Variants in ICAM5 observed in about 807,000 individuals in gnomAD.
ICAM5 encodes intercellular adhesion molecule 5.
ICAM5 carries 38 observed loss-of-function variants against 78.8 expected under a neutral mutation model. The observed-to-expected ratio is 0.48, with a 90% CI of 0.37 to 0.63. The LOEUF is 0.63. Among genes scored for constraint, ICAM5 ranks in the 30% least tolerant of loss-of-function variants. The pLI, the probability that ICAM5 is intolerant of heterozygous loss-of-function variation, is 0.00. For synonymous variants in ICAM5, 544 were observed against 590.9 expected, an observed-to-expected ratio of 0.92 and a Z score of 1.15; for missense variants, 1,059 against 1,303.0, an observed-to-expected ratio of 0.81 and a Z score of 2.88.
rs944254015 is a variant in ICAM5 at position 10,296,732 on chromosome 19, C to A, written c.*116C>A. The A allele has an allele frequency of 1.1e-6, 1 of 940,694 alleles. No individual in the cohort carries two copies. Among genetic ancestry groups the A allele is most frequent in the Non-Finnish European group, 1.3e-6 (1 of 745,092 alleles). 58.3% of individuals were successfully genotyped at this position (940,694 alleles called of 1,614,324 possible). ...TTTATGTATTCAACTCCAAGGGCGTCACCCCCATTTTCTACCCATCCCCTC... is the reference window on the plus strand; with the variant it reads ...TTTATGTATTCAACTCCAAGGGCGTAACCCCCATTTTCTACCCATCCCCTC... On this transcript the variant is annotated 3_prime_UTR_variant, in exon 11 of 11. Coordinates refer to ENST00000221980, the MANE Select transcript of ICAM5 (RefSeq NM_003259.4).
rs2040193906 is a variant in ICAM5, at chr19:10,293,555, G to C, written c.1466-143G>C. The stretch of plus-strand genomic sequence containing the variant: ...AGCTCCCAGACAGAGTGCATGCCTC[G>C]ACTAGCGTGACACCTCCTTGGATCG... On this transcript the variant is annotated intron_variant, in intron 6 of 10. Transcript: ENST00000221980. This position sits in a 1 kb window ranked among gnomAD's most constrained non-coding sequence, Gnocchi z 5.0. 7 of 1,214,672 alleles carry C rather than the reference G, an allele frequency of 5.8e-6. No homozygotes were observed. The Admixed American group carries it at 7.2e-5, about 13-fold the overall frequency. 75.2% of individuals were successfully genotyped at this position (1,214,672 alleles called of 1,614,324 possible). A position where few individuals can be genotyped will look rare whatever the true frequency, so the allele number is the denominator to read the frequency against.
Position 10,294,738 on chromosome 19 carries a change from C to A in ICAM5, c.2230+98C>A. 1 of 1,550,944 alleles carries A rather than the reference C, an allele frequency of 6.4e-7. No homozygotes were observed. The highest frequency in any genetic ancestry group is 2.0e-5 in the Admixed American group (1 of 49,040). On this transcript the variant is annotated intron_variant, in intron 9 of 10. Coordinates refer to ENST00000221980, the MANE Select transcript of ICAM5 (RefSeq NM_003259.4). This position sits in a 1 kb window ranked among gnomAD's most constrained non-coding sequence, Gnocchi z 7.7. The stretch of plus-strand genomic sequence containing the variant: ...AGGGCACCTCTCCCAATCCCATTCT[C>A]GGGGACAGGGAATTCCAGCCTAAAC...
In ICAM5 at chr19:10,293,346, G is replaced by C. The variant is rs186295295; in HGVS notation, c.1465+100G>C. The C allele has an allele frequency of 5.5e-6, 8 of 1,452,228 alleles. No individual in the cohort carries two copies. The highest frequency in any genetic ancestry group is 6.5e-6 in the Non-Finnish European group (7 of 1,081,564). The allele number at this position is 1,452,228 out of a possible 1,614,324, so 90.0% of individuals were successfully genotyped here. A position where few individuals can be genotyped will look rare whatever the true frequency, so the allele number is the denominator to read the frequency against. On this transcript the variant is annotated intron_variant, in intron 6 of 10. Transcript: ENST00000221980. This position sits in a 1 kb window ranked among gnomAD's most constrained non-coding sequence, Gnocchi z 5.0. ...GGAGTAGGGTATGAGGTGTCCCTTT[G>C]GGTGAGGTTTTGGGAAAGGGAAGAG... is the stretch of plus-strand genomic sequence containing the variant.
chr19:10,294,060 C>A lies in ICAM5; in HGVS notation c.1732C>A (p.Pro578Thr). Residue 578 changes from proline (P) to threonine (T), a missense_variant, in exon 8 of 11, where the codon CCG becomes ACG. By Grantham distance (38) the Pro-to-Thr change is conservative. Coordinates refer to ENST00000221980, the MANE Select transcript of ICAM5 (RefSeq NM_003259.4). The surrounding 1 kb of genome is among the most constrained non-coding windows in gnomAD (Gnocchi z 7.7). ...TVEYGPRFEE[P>T]SCPSNWTWVE... Reference sequence around the variant, plus strand: ...CCCAGATGGCCCCAGGTTTGAGGAGCCGAGCTGCCCCAGCAATTGGACATG... The same window carrying A: ...CCCAGATGGCCCCAGGTTTGAGGAGACGAGCTGCCCCAGCAATTGGACATG... 6.3e-7 allele frequency: 1 copy of A among 1,579,176 alleles called. No homozygotes were observed. Among genetic ancestry groups the A allele is most frequent in the Non-Finnish European group, 8.6e-7 (1 of 1,161,330 alleles).
Position 10,292,087 on chromosome 19 carries a change from C to A in ICAM5, c.726C>A (p.Gly242=). Residue 242 remains glycine, a synonymous_variant, in exon 4 of 11, where the codon GGC becomes GGA. Transcript: ENST00000221980. ...CTGCTCCCCGGCTCTTGGAAGTTGG[C>A]TCGGAAAGGCCCGTGAGCTGCACTC... ...RLAAPRLLEV[G]SERPVSCTLD... is the part of the protein sequence containing the mutation. 1 of 1,613,084 alleles carries A rather than the reference C, an allele frequency of 6.2e-7. No individual in the cohort carries two copies. The highest frequency in any genetic ancestry group is 8.5e-7 in the Non-Finnish European group (1 of 1,179,774).
rs1192312203 is a variant in ICAM5 at position 10,294,872 on chromosome 19, C to T, written c.2230+232C>T. On this transcript the variant is annotated intron_variant, in intron 9 of 10. Coordinates refer to ENST00000221980, the MANE Select transcript of ICAM5 (RefSeq NM_003259.4). The surrounding 1 kb of genome is among the most constrained non-coding windows in gnomAD (Gnocchi z 7.7). ...CTTGAGGCCAGGAGTTCGAGACCAG[C>T]CCGGCCAACATGGCGAAAACCCGTC... is the stretch of plus-strand genomic sequence containing the variant. Among the ~76,000 whole-genome samples the T allele has an allele frequency of 6.6e-6, 1 of 152,132 alleles. No individual in the cohort carries two copies. The highest frequency in any genetic ancestry group is 1.5e-5 in the Non-Finnish European group (1 of 68,028).
rs570171962 is a variant in ICAM5, at chr19:10,296,331, C to T, written c.2498-8C>T. ...TGGCCACCCTCCGCGAGGGTCTCCA[C>T]CCCGCAGGTCCGTGGCTATGGGTCG... On this transcript the variant is annotated splice_polypyrimidine_tract_variant and splice_region_variant and intron_variant, in intron 10 of 10. Coordinates refer to ENST00000221980, the MANE Select transcript of ICAM5 (RefSeq NM_003259.4). 432 of 1,233,768 alleles carry T rather than the reference C, an allele frequency of 3.5e-4. No individual in the cohort carries two copies. Among genetic ancestry groups the T allele is most frequent in the Non-Finnish European group, 4.2e-4 (415 of 981,136 alleles). The allele number at this position is 1,233,768 out of a possible 1,614,324, so 76.4% of individuals were successfully genotyped here. A position where few individuals can be genotyped will look rare whatever the true frequency, so the allele number is the denominator to read the frequency against.
At chr19:10,295,152 G>A (rs535370279) in intron 9 of ICAM5, among the ~76,000 whole-genome samples, 194 bp from the exon 10 acceptor site, 2 of 152,286 alleles carry the variant, frequency 1.3e-5, no homozygotes, top group Non-Finnish European at 2.9e-5. Flanking sequence ...CCTTCCATTC[G>A]GTGAAGAAGG....
At position 10,290,139 on chromosome 19, in the gene ICAM5, T is replaced by G; in HGVS notation, c.82+14T>G. On this transcript the variant is annotated intron_variant, in intron 1 of 10. Coordinates refer to ENST00000221980, the MANE Select transcript of ICAM5 (RefSeq NM_003259.4). This position sits in a 1 kb window ranked among gnomAD's most constrained non-coding sequence, Gnocchi z 5.7. ...TCGGCCTCTCAGGTAAGAGCCCCGC[T>G]CTGGTTCGGGGTGGACAGGGCGGGG... is the stretch of plus-strand genomic sequence containing the variant. 6.6e-7 allele frequency: 1 copy of G among 1,505,994 alleles called. No homozygotes were observed. Among genetic ancestry groups the G allele is most frequent in the Non-Finnish European group, 8.9e-7 (1 of 1,124,002 alleles). 93.3% of individuals were successfully genotyped at this position (1,505,994 alleles called of 1,614,324 possible).
At position 10,290,238 on chromosome 19, in the gene ICAM5, C is replaced by T; in HGVS notation, c.82+113C>T. 1.3e-6 allele frequency: 1 copy of T among 746,492 alleles called. No homozygotes were observed. The highest frequency in any genetic ancestry group is 2.1e-6 in the Non-Finnish European group (1 of 487,694). 46.2% of individuals were successfully genotyped at this position (746,492 alleles called of 1,614,324 possible). Reference sequence around the variant, plus strand: ...CCCTCGCCTCGCTCCCACGCCTCTGCCCCCACCTCGAGCCTGAGTCTTCTC... The same window carrying T: ...CCCTCGCCTCGCTCCCACGCCTCTGTCCCCACCTCGAGCCTGAGTCTTCTC... On this transcript the variant is annotated intron_variant, in intron 1 of 10. Transcript: ENST00000221980. The surrounding 1 kb of genome is among the most constrained non-coding windows in gnomAD (Gnocchi z 5.7).
Position 10,295,373 on chromosome 19 carries a change from C to T in ICAM5, c.2258C>T (p.Ala753Val), listed in dbSNP as rs778010360. The T allele has an allele frequency of 2.2e-4, 352 of 1,577,738 alleles. No individual in the cohort carries two copies. Among genetic ancestry groups the T allele is most frequent in the Non-Finnish European group, 2.9e-4 (343 of 1,165,302 alleles). The change falls in exon 10 of 11, where the codon GCC becomes GTC. Residue 753 changes from alanine to valine, a missense_variant. By Grantham distance (64) the Ala-to-Val change is moderately conservative. Coordinates refer to ENST00000221980, the MANE Select transcript of ICAM5 (RefSeq NM_003259.4). ...CGGCCAGTGGTGGCCGAACTTGCTG[C>T]CTCGCCCCCTGGAGGCGTGCGCCCA... ...EYRPVVAELA[A>V]SPPGGVRPGG... is the part of the protein sequence containing the mutation.
At chr19:10,292,970 C>G in intron 5 of ICAM5, 28 bp from the exon 6 acceptor site, 1 of 1,610,546 alleles carries the variant, frequency 6.2e-7, no homozygotes, top group Non-Finnish European at 8.5e-7. Context: ...TACGTCTAAG[C>G]CTCTGTAACC....
In ICAM5 at chr19:10,292,506, CCCTAGTTCGTT is replaced by C. The variant is rs1467276970; in HGVS notation, c.962-104_962-94del. On this transcript the variant is annotated intron_variant, in intron 4 of 10. Coordinates refer to ENST00000221980, the MANE Select transcript of ICAM5 (RefSeq NM_003259.4). ...ACAGCCTGAGAGGCGGGGCGCCGTA[CCCTAGTTCGTT>C]CTCAGCACCCCGAGGATTCGGGCAG... 6 of 1,446,316 alleles carry C rather than the reference CCCTAGTTCGTT, an allele frequency of 4.1e-6. No individual in the cohort carries two copies. The African/African-American group carries it at 5.7e-5, about 14-fold the overall frequency. 89.6% of individuals were successfully genotyped at this position (1,446,316 alleles called of 1,614,324 possible).
In ICAM5 at chr19:10,291,631, C is replaced by T. The variant is rs199738344; in HGVS notation, c.495C>T (p.Ile165=). ...LTLLRGAQEL[I]RRSFAGEPPR... The stretch of plus-strand genomic sequence containing the variant: ...TGCTGCGGGGCGCCCAGGAGCTGAT[C>T]CGCCGCAGCTTCGCCGGTGAACCAC... Residue 165 remains isoleucine, a synonymous_variant, in exon 3 of 11, where the codon ATC becomes ATT. Transcript: ENST00000221980. 2 of 1,611,588 alleles carry T rather than the reference C, an allele frequency of 1.2e-6. No homozygotes were observed. Among genetic ancestry groups the T allele is most frequent in the Non-Finnish European group, 1.7e-6 (2 of 1,179,408 alleles).
Position 10,293,186 on chromosome 19 carries a change from C to T in ICAM5, c.1405C>T (p.Arg469Cys). Reference sequence around the variant, plus strand: ...CACTCGGGCGCTCTCAGGCACTTACCGCTGCAAGGCGGCCAATGATCAAGG... The same window carrying T: ...CACTCGGGCGCTCTCAGGCACTTACTGCTGCAAGGCGGCCAATGATCAAGG... ...PVTRALSGTY[R>C]CKAANDQGEA... The change falls in exon 6 of 11, where the codon CGC (arginine) becomes TGC (cysteine). Residue 469 changes from arginine to cysteine, a missense_variant. Transcript: ENST00000221980. The surrounding 1 kb of genome is among the most constrained non-coding windows in gnomAD (Gnocchi z 5.0). 2 of 1,609,790 alleles carry T rather than the reference C, an allele frequency of 1.2e-6. No homozygotes were observed. The highest frequency in any genetic ancestry group is 1.7e-6 in the Non-Finnish European group (2 of 1,178,432).
In ICAM5 at chr19:10,290,411, C is replaced by T; in HGVS notation, c.82+286C>T. The T allele has an allele frequency of 4.9e-6, 2 of 407,272 alleles. No individual in the cohort carries two copies. 25.2% of individuals were successfully genotyped at this position (407,272 alleles called of 1,614,324 possible). ...TCTCTCCTGTCCGCTCCCCGGGTAC[C>T]TCCTTACGCTGTGCTGTGCACCATG... On this transcript the variant is annotated intron_variant, in intron 1 of 10. Coordinates refer to ENST00000221980, the MANE Select transcript of ICAM5 (RefSeq NM_003259.4). The surrounding 1 kb of genome is among the most constrained non-coding windows in gnomAD (Gnocchi z 5.7).
rs953416768 is a variant in ICAM5, at chr19:10,296,660, T to G, written c.*44T>G. On this transcript the variant is annotated 3_prime_UTR_variant, in exon 11 of 11. Coordinates refer to ENST00000221980, the MANE Select transcript of ICAM5 (RefSeq NM_003259.4). ...GCGGGCCGGGGGACGCCCCCCAGAC[T>G]CACACGGGGGCTTATTTATTGCTTT... 11 of 1,200,650 alleles carry G rather than the reference T, an allele frequency of 9.2e-6. No homozygotes were observed. Among genetic ancestry groups the G allele is most frequent in the Non-Finnish European group, 1.1e-5 (11 of 965,128 alleles). 74.4% of individuals were successfully genotyped at this position (1,200,650 alleles called of 1,614,324 possible).
At position 10,290,094 on chromosome 19, in the gene ICAM5, T is replaced by C; in HGVS notation, c.51T>C (p.Ala17=). The C allele has an allele frequency of 6.5e-7, 1 of 1,541,468 alleles. No homozygotes were observed. Among genetic ancestry groups the C allele is most frequent in the Non-Finnish European group, 8.7e-7 (1 of 1,143,530 alleles). The change falls in exon 1 of 11, where the codon GCT becomes GCC. Residue 17 remains alanine, a synonymous_variant. Transcript: ENST00000221980. This position sits in a 1 kb window ranked among gnomAD's most constrained non-coding sequence, Gnocchi z 5.7. ...GCCGGGCGCTACTCGGCCTCTGGGC[T>C]GCTCTGGGCCTGGGGCTCTTCGGCC... ...GLRRALLGLW[A]ALGLGLFGLS...
At position 10,293,765 on chromosome 19, in the gene ICAM5, G is replaced by T. The variant is rs746546706; in HGVS notation, c.1533G>T (p.Ser511=). Residue 511 remains serine (S), a synonymous_variant, in exon 7 of 11, where the codon TCG becomes TCT. Coordinates refer to ENST00000221980, the MANE Select transcript of ICAM5 (RefSeq NM_003259.4). The surrounding 1 kb of genome is among the most constrained non-coding windows in gnomAD (Gnocchi z 5.0). ...CTTGGCTGGAGGGAACAGAAGCCTC[G>T]CTGAGCTGTGTGGCGCACGGGGTAC... The part of the protein sequence containing the change: ...RITWLEGTEA[S]LSCVAHGVPP... The T allele has an allele frequency of 6.2e-7, 1 of 1,613,934 alleles. No individual in the cohort carries two copies. The highest frequency in any genetic ancestry group is 1.3e-5 in the African/African-American group (1 of 75,066).
Sources: allele counts gnomAD v4.1 joint callset (sites outside exome capture counted in the v4.1 genomes callset), GRCh38; gene constraint gnomAD v4.1.1; non-coding constraint Gnocchi (gnomAD v3.1); transcripts MANE v1.5; gene names NCBI Gene and HGNC (gene_info 2026-07-23, HGNC 2026-07-21).